SNX29: variants seen among roughly 807,000 people sequenced by gnomAD.
SNX29 encodes the protein sorting nexin 29.
Under a neutral mutation model 102.1 loss-of-function variants are expected in SNX29, and 78 were observed. That is an observed-to-expected ratio of 0.76 (90% confidence interval 0.64 to 0.92). SNX29 has a LOEUF of 0.92. SNX29 is among the 40% of genes least tolerant of loss of function. The pLI, the probability that SNX29 is intolerant of heterozygous loss-of-function variation, is 0.00. For synonymous variants in SNX29, 580 were observed against 414.5 expected (o/e 1.40, Z -4.85); for missense variants, 1,280 against 1,061.7 (o/e 1.21, Z -2.86).
intron 13 of SNX29, among the ~76,000 whole-genome samples, chr16:12,138,670 A>G (rs1281755860): frequency 2.0e-5 from 3 of 152,168 alleles, no homozygotes; most frequent in Middle Eastern, 3.2e-3. Context: ...GTCTTTCAAA[A>G]ATTAACATTT....
At chr16:12,388,852 A>G (rs2083427794) in intron 16 of SNX29, among the ~76,000 whole-genome samples, 1 of 152,094 alleles carries the variant, frequency 6.6e-6, no homozygotes, top group Non-Finnish European at 1.5e-5. Flanking sequence ...TTGGTAAGGG[A>G]TATTCTATTT....
rs114360426 is a variant in SNX29 at position 12,548,042 on chromosome 16, G to A, written c.2319-20464G>A. 5.2e-3 allele frequency among the ~76,000 whole-genome samples: 795 copies of A among 152,256 alleles called. 5 individuals are homozygous for A. The highest frequency in any genetic ancestry group is 0.019 in the African/African-American group (772 of 41,550). ...TGCACTGCTCATATTGGTAAGGCAA[G>A]CACCACCCCTGGCACACACACGGTC... is the stretch of plus-strand genomic sequence containing the variant. On this transcript the variant is annotated intron_variant, in intron 20 of 20. Transcript: ENST00000566228.
chr16:12,143,204 T>C (rs920709671), intron 13 of SNX29, among the ~76,000 whole-genome samples: 1 of 150,742 alleles, frequency 6.6e-6, no homozygotes, highest in African/African-American at 2.4e-5. Context: ...TCCATGTTGG[T>C]CAGGCTGGTC....
chr16:12,261,082 T>G, intron 14 of SNX29, among the ~76,000 whole-genome samples: 2 of 135,026 alleles, frequency 1.5e-5, no homozygotes, highest in African/African-American at 2.8e-5. Flanking sequence ...CTGGCTGGAG[T>G]GAGTGTTTGC....
chr16:12,037,192 C>G (rs757828300), intron 4 of SNX29, among the ~76,000 whole-genome samples: 1 of 152,204 alleles, frequency 6.6e-6, no homozygotes, highest in Admixed American at 6.5e-5. Context: ...TGACTCAGCT[C>G]TGCCACTGGA....
chr16:12,111,521 A>G (rs944966138), intron 11 of SNX29, among the ~76,000 whole-genome samples: 9 of 151,970 alleles, frequency 5.9e-5, no homozygotes, highest in African/African-American at 1.9e-4. Context: ...ACTTCCCTTT[A>G]CGTCTCAGTG....
chr16:12,095,150 G>A (rs1235744213), intron 11 of SNX29: 1 of 152,164 alleles, frequency 6.6e-6, no homozygotes, highest in South Asian at 2.1e-4. Flanking sequence ...CAGCTCACTG[G>A]TACTACTTTA....
chr16:12,255,552 A>T (rs928612843), intron 14 of SNX29, among the ~76,000 whole-genome samples: 11 of 151,812 alleles, frequency 7.2e-5, no homozygotes, highest in African/African-American at 2.7e-4. Context: ...CCCTGCCCCG[A>T]CCCCAACCTC....
intron 14 of SNX29, among the ~76,000 whole-genome samples, chr16:12,263,851 T>C (rs2078849551): frequency 6.6e-6 from 1 of 152,120 alleles, no homozygotes; most frequent in Admixed American, 6.5e-5. Flanking sequence ...AGAGTCCAAT[T>C]TGTGGATGTT....
At chr16:12,522,965 C>T (rs770293762) in intron 19 of SNX29, among the ~76,000 whole-genome samples, 12 of 152,152 alleles carry the variant, frequency 7.9e-5, no homozygotes, top group Admixed American at 2.6e-4. Flanking sequence ...TGCACACCAC[C>T]GTGCCCGGCT....
chr16:12,346,057 A>G (rs1235679686), intron 15 of SNX29, among the ~76,000 whole-genome samples: 3 of 151,798 alleles, frequency 2.0e-5, no homozygotes, highest in Non-Finnish European at 2.9e-5. Flanking sequence ...ACATCATGCA[A>G]TCTAGTTTGT....
intron 18 of SNX29, among the ~76,000 whole-genome samples, chr16:12,452,780 A>T (rs980138701): frequency 6.6e-6 from 1 of 152,150 alleles, no homozygotes; most frequent in Non-Finnish European, 1.5e-5. Context: ...GTCGGCAGGC[A>T]TGGTGCTGTG....
chr16:12,385,204 G>A (rs568260004), intron 16 of SNX29, among the ~76,000 whole-genome samples: 3 of 152,132 alleles, frequency 2.0e-5, no homozygotes, highest in African/African-American at 7.2e-5. Flanking sequence ...GTGGGGACAC[G>A]GGAGAAGGGA....
chr16:12,567,126 C>T (rs1474702878), intron 20 of SNX29, among the ~76,000 whole-genome samples: 4 of 152,240 alleles, frequency 2.6e-5, no homozygotes, highest in Non-Finnish European at 5.9e-5. Flanking sequence ...TCTTAACTCA[C>T]ATGATTTGTG....
intron 3 of SNX29, among the ~76,000 whole-genome samples, chr16:12,025,248 G>A (rs1471738452): frequency 4.4e-5 from 6 of 135,940 alleles, no homozygotes; most frequent in Middle Eastern, 4.5e-3. Flanking sequence ...GTTGCAGTGA[G>A]CCGAGATTGT....
At chr16:12,228,326 G>A (rs1484716760) in intron 14 of SNX29, among the ~76,000 whole-genome samples, 1 of 152,204 alleles carries the variant, frequency 6.6e-6, no homozygotes, top group African/African-American at 2.4e-5. Context: ...AATGATCCCT[G>A]TCTAAACTTC....
intron 15 of SNX29, among the ~76,000 whole-genome samples, chr16:12,354,710 G>A (rs926655086): frequency 6.6e-6 from 1 of 152,182 alleles, no homozygotes; most frequent in African/African-American, 2.4e-5. Flanking sequence ...TGTGATTTCT[G>A]TGTGGAGGAG....
intron 15 of SNX29, among the ~76,000 whole-genome samples, chr16:12,300,711 T>G (rs1372514114): frequency 6.6e-6 from 1 of 152,208 alleles, no homozygotes; most frequent in Non-Finnish European, 1.5e-5. Flanking sequence ...GCGGCCGTCG[T>G]GACATCTCCG....
intron 16 of SNX29, among the ~76,000 whole-genome samples, chr16:12,359,234 G>A (rs1446167306): frequency 6.6e-6 from 1 of 152,204 alleles, no homozygotes; most frequent in African/African-American, 2.4e-5. Context: ...TTGTTTGGTG[G>A]TAGGGAGAAA....
Sources: gnomAD v4.1 joint callset for allele counts (sites outside exome capture counted in the v4.1 genomes callset) on GRCh38, gnomAD v4.1.1 for gene constraint, MANE v1.5 for transcripts, NCBI Gene and HGNC (gene_info 2026-07-23, HGNC 2026-07-21) for gene names.